The following TRAPPC6A variants were observed in gnomAD, a reference collection of about 807,000 sequenced individuals.
TRAPPC6A encodes trafficking protein particle complex subunit 6A.
Under a neutral mutation model 20.8 loss-of-function variants are expected in TRAPPC6A, and 25 were observed. That is an observed-to-expected ratio of 1.20 (90% CI 0.88 to 1.68). The LOEUF is 1.68. TRAPPC6A is among the 40% of genes most tolerant of loss of function. TRAPPC6A has a pLI of 0.00. For synonymous variants in TRAPPC6A, 96 were observed against 93.3 expected (o/e 1.03, Z -0.16); for missense variants, 215 against 211.6 (o/e 1.02, Z -0.10).
intron 1 of TRAPPC6A, among the ~76,000 whole-genome samples, chr19:45,167,697 G>A (rs1427574895): frequency 1.3e-5 from 2 of 152,174 alleles, no homozygotes; most frequent in African/African-American, 4.8e-5. Flanking sequence ...TGGCCAGGCG[G>A]GTCTCGAACT....
Position 45,163,038 on chromosome 19 carries a change from A to G in TRAPPC6A, c.*154T>C. Reference sequence around the variant, plus strand: ...AGCTGGGACCCCTTTGCCTCCTCTGACACCCCCACCTCAATTTGATACCCA... The same window carrying G: ...AGCTGGGACCCCTTTGCCTCCTCTGGCACCCCCACCTCAATTTGATACCCA... On this transcript the variant is annotated 3_prime_UTR_variant, in exon 6 of 6. Coordinates refer to ENST00000585934, the MANE Select transcript of TRAPPC6A (RefSeq NM_001270891.2). The surrounding 1 kb of genome is among the most constrained non-coding windows in gnomAD (Gnocchi z 5.3). 1 of 839,358 alleles carries G rather than the reference A, an allele frequency of 1.2e-6. No individual in the cohort carries two copies. Among genetic ancestry groups the G allele is most frequent in the Non-Finnish European group, 1.8e-6 (1 of 547,560 alleles). 52.0% of individuals were successfully genotyped at this position (839,358 alleles called of 1,614,324 possible). A position where few individuals can be genotyped will look rare whatever the true frequency, so the allele number is the denominator to read the frequency against.
At chr19:45,176,446 A>G (rs1029705824) in intron 1 of TRAPPC6A, among the ~76,000 whole-genome samples, 35 of 152,038 alleles carry the variant, frequency 2.3e-4, no homozygotes, top group African/African-American at 8.2e-4. Context: ...CCTGGGCGAC[A>G]GAGCAAGACT....
intron 1 of TRAPPC6A, among the ~76,000 whole-genome samples, chr19:45,169,294 A>G (rs1405539096): frequency 2.0e-5 from 3 of 152,154 alleles, no homozygotes; most frequent in Non-Finnish European, 4.4e-5. Flanking sequence ...TGTAAAAAAG[A>G]GGGTCATTTT....
At position 45,174,312 on chromosome 19, in the gene TRAPPC6A, A is replaced by G. The variant is rs189234420; in HGVS notation, c.84+3823T>C. ...ATATGAGGGGAGGGAGGGAAGAGCT[A>G]GCACTGCTCATAAGCCAAATGAATC... On this transcript the variant is annotated intron_variant, in intron 1 of 5. Coordinates refer to ENST00000585934, the MANE Select transcript of TRAPPC6A (RefSeq NM_001270891.2). Among the ~76,000 whole-genome samples, 42 of 152,250 alleles carry G rather than the reference A, an allele frequency of 2.8e-4. No individual in the cohort carries two copies. In the South Asian group the frequency reaches 4.8e-3, roughly 17 times the overall value.
intron 1 of TRAPPC6A, among the ~76,000 whole-genome samples, chr19:45,177,191 GCACACACACACA>G (rs57127361): frequency 4.1e-5 from 6 of 147,998 alleles, no homozygotes; most frequent in East Asian, 4.1e-4. Flanking sequence ...GCGCGTGCGC[GCACACACACACA>G]CACACACACA....
At position 45,166,912 on chromosome 19, in the gene TRAPPC6A, G is replaced by T. The variant is rs181194243; in HGVS notation, c.85-1718C>A. ...TGGAGCGGGTCTCCCAGCCTGGAGAGCGTGTCCGAGGAAGGCTTCTTGCAG... is the reference window on the plus strand; with the variant it reads ...TGGAGCGGGTCTCCCAGCCTGGAGATCGTGTCCGAGGAAGGCTTCTTGCAG... On this transcript the variant is annotated intron_variant, in intron 1 of 5. Coordinates refer to ENST00000585934, the MANE Select transcript of TRAPPC6A (RefSeq NM_001270891.2). 2.6e-5 allele frequency among the ~76,000 whole-genome samples: 4 copies of T among 152,306 alleles called. No homozygotes were observed. In the East Asian group the frequency reaches 7.7e-4, roughly 29 times the overall value.
At chr19:45,171,299 C>CACAAAACAAA (rs150712507) in intron 1 of TRAPPC6A, among the ~76,000 whole-genome samples, 7,509 of 149,868 alleles carry the variant, frequency 0.05, 225 homozygotes, top group Non-Finnish European at 0.071. Context: ...GAGACTCAGT[C>CACAAAACAAA]ACAAAACAAA....
intron 1 of TRAPPC6A, among the ~76,000 whole-genome samples, chr19:45,165,438 A>C (rs553484221): frequency 6.6e-6 from 1 of 152,216 alleles, no homozygotes; most frequent in African/African-American, 2.4e-5. Context: ...TCAGCCCCCA[A>C]GAACCAGCTC....
At chr19:45,164,716 G>C in intron 3 of TRAPPC6A, 137 bp downstream of exon 3, 1 of 797,030 alleles carries the variant, frequency 1.3e-6, no homozygotes, top group Non-Finnish European at 2.1e-6. Context: ...ATCAGACAGA[G>C]CAAGAGCTGC....
At chr19:45,166,670 C>G (rs955020904) in intron 1 of TRAPPC6A, among the ~76,000 whole-genome samples, 1 of 152,078 alleles carries the variant, frequency 6.6e-6, no homozygotes, top group Non-Finnish European at 1.5e-5. Context: ...GGAACAGAGG[C>G]GGCAGGTGTG....
chr19:45,166,500 C>T (rs934812231), intron 1 of TRAPPC6A, among the ~76,000 whole-genome samples: 6 of 151,590 alleles, frequency 4.0e-5, no homozygotes, highest in Admixed American at 3.9e-4. Flanking sequence ...AAAGCCACTG[C>T]ACCTGGCCAT....
rs1969282867 is a variant in TRAPPC6A, at chr19:45,172,286, C to T, written c.84+5849G>A. ...AGGCGGCCTGTGCTACCCAGAAGCC[C>T]TGGGGCCAGAAGCCTGAGTTCTAAT... On this transcript the variant is annotated intron_variant, in intron 1 of 5. Coordinates refer to ENST00000585934, the MANE Select transcript of TRAPPC6A (RefSeq NM_001270891.2). This position sits in a 1 kb window ranked among gnomAD's most constrained non-coding sequence, Gnocchi z 4.2. 6.6e-6 allele frequency among the ~76,000 whole-genome samples: 1 copy of T among 151,864 alleles called. No individual in the cohort carries two copies. The highest frequency in any genetic ancestry group is 1.5e-5 in the Non-Finnish European group (1 of 68,020).
intron 1 of TRAPPC6A, among the ~76,000 whole-genome samples, chr19:45,167,016 T>A (rs1342660674): frequency 6.6e-6 from 1 of 152,124 alleles, no homozygotes; most frequent in African/African-American, 2.4e-5. Context: ...CTTCTGAGCC[T>A]TTGTACCGAC....
chr19:45,165,319 AG>A, intron 1 of TRAPPC6A, 125 bp from the exon 2 acceptor site: 1 of 924,732 alleles, frequency 1.1e-6, no homozygotes, highest in Non-Finnish European at 1.7e-6. Context: ...AGGGGTGAGC[AG>A]GGAGGGGCTC....
In TRAPPC6A at chr19:45,172,765, C is replaced by T. The variant is rs1375794591; in HGVS notation, c.84+5370G>A. Among the ~76,000 whole-genome samples the T allele has an allele frequency of 6.6e-6, 1 of 151,756 alleles. No homozygotes were observed. Among genetic ancestry groups the T allele is most frequent in the African/African-American group, 2.4e-5 (1 of 41,010 alleles). ...CAGCCTCTGCCTTAAGCTCCTGCAACAGCGGGGCCCTTCCCAGGCCAATCT... is the reference window on the plus strand; with the variant it reads ...CAGCCTCTGCCTTAAGCTCCTGCAATAGCGGGGCCCTTCCCAGGCCAATCT... On this transcript the variant is annotated intron_variant, in intron 1 of 5. Coordinates refer to ENST00000585934, the MANE Select transcript of TRAPPC6A (RefSeq NM_001270891.2). The surrounding 1 kb of genome is among the most constrained non-coding windows in gnomAD (Gnocchi z 4.2).
intron 1 of TRAPPC6A, among the ~76,000 whole-genome samples, chr19:45,174,987 C>T (rs891169014): frequency 6.6e-5 from 10 of 150,654 alleles, no homozygotes; most frequent in Admixed American, 4.6e-4. Flanking sequence ...AATTGCCAGG[C>T]GCGGTGGCTC....
At chr19:45,170,888 G>A (rs1042466702) in intron 1 of TRAPPC6A, among the ~76,000 whole-genome samples, 1 of 152,234 alleles carries the variant, frequency 6.6e-6, no homozygotes, top group African/African-American at 2.4e-5. Flanking sequence ...CAGGAGGCAG[G>A]GAAGAAAGGG....
intron 1 of TRAPPC6A, among the ~76,000 whole-genome samples, chr19:45,169,879 C>T (rs895242583): frequency 1.2e-4 from 18 of 152,218 alleles, no homozygotes; most frequent in Non-Finnish European, 1.9e-4. Flanking sequence ...TGTCCCCACT[C>T]GCTAAGGGCT....
rs572032622 is a variant in TRAPPC6A at position 45,168,394 on chromosome 19, C to T, written c.85-3200G>A. On this transcript the variant is annotated intron_variant, in intron 1 of 5. Coordinates refer to ENST00000585934, the MANE Select transcript of TRAPPC6A (RefSeq NM_001270891.2). Reference sequence around the variant, plus strand: ...CTCAGGGTCCTGGGTGGCCAGAGCCCGTCCTGGCAGGGCCAAAAGCAGGAA... The same window carrying T: ...CTCAGGGTCCTGGGTGGCCAGAGCCTGTCCTGGCAGGGCCAAAAGCAGGAA... 6.4e-4 allele frequency among the ~76,000 whole-genome samples: 97 copies of T among 152,326 alleles called. 1 individual carries two copies. The highest frequency in any genetic ancestry group is 2.2e-3 in the African/African-American group (92 of 41,570).
Sources: gnomAD v4.1 joint callset for allele counts (sites outside exome capture counted in the v4.1 genomes callset) on GRCh38, gnomAD v4.1.1 for gene constraint, Gnocchi (gnomAD v3.1) non-coding constraint, MANE v1.5 for transcripts, NCBI Gene and HGNC (gene_info 2026-07-23, HGNC 2026-07-21) for gene names.